Variants in NKAIN1 observed in about 807,000 individuals in gnomAD.
The protein encoded by NKAIN1 is sodium/potassium transporting ATPase interacting 1, also known as sodium/potassium-transporting ATPase subunit beta-1-interacting protein 1.
A neutral mutation model predicts 31.6 loss-of-function variants in NKAIN1; 13 were observed. That is an observed-to-expected ratio of 0.41 (90% confidence interval 0.27 to 0.65). The LOEUF is 0.65. Ranked by LOEUF, NKAIN1 falls within the 30% of genes least tolerant of loss-of-function variation. The pLI, the probability that NKAIN1 is intolerant of heterozygous loss-of-function variation, is 0.30. For synonymous variants in NKAIN1, 104 were observed against 109.0 expected, an observed-to-expected ratio of 0.95 and a Z score of 0.28; for missense variants, 193 against 262.2, an observed-to-expected ratio of 0.74 and a Z score of 1.82.
intron 1 of NKAIN1, among the ~76,000 whole-genome samples, chr1:31,194,344 T>C (rs1241062851): frequency 3.0e-5 from 2 of 67,754 alleles, no homozygotes; most frequent in Non-Finnish European, 6.9e-5. Flanking sequence ...GACCCAGCTC[T>C]TTCTTTTTCC....
chr1:31,186,880 C>G (rs1052192571), intron 2 of NKAIN1, among the ~76,000 whole-genome samples: 1 of 152,234 alleles, frequency 6.6e-6, no homozygotes, highest in African/African-American at 2.4e-5. Context: ...AGTTTTCCCA[C>G]ATCCCGAATG....
At chr1:31,238,745 T>C (rs150266409) in intron 1 of NKAIN1, among the ~76,000 whole-genome samples, 2 of 152,232 alleles carry the variant, frequency 1.3e-5, no homozygotes, top group East Asian at 3.9e-4. Context: ...TGATGACTGA[T>C]GGAACCCCCA....
chr1:31,196,776 A>T (rs1185904479), intron 1 of NKAIN1, among the ~76,000 whole-genome samples: 1 of 152,036 alleles, frequency 6.6e-6, no homozygotes, highest in Non-Finnish European at 1.5e-5. Context: ...TTCAGTCCTC[A>T]TCTTACCTGA....
intron 1 of NKAIN1, among the ~76,000 whole-genome samples, chr1:31,191,476 T>A (rs907171353): frequency 3.3e-5 from 5 of 151,740 alleles, no homozygotes; most frequent in Non-Finnish European, 7.4e-5. Flanking sequence ...CCAGCTCTGC[T>A]GTGTGACTTA....
chr1:31,192,945 G>A (rs1283329326), intron 1 of NKAIN1, among the ~76,000 whole-genome samples: 2 of 151,788 alleles, frequency 1.3e-5, no homozygotes, highest in African/African-American at 2.4e-5. Context: ...GCCAGAGGAT[G>A]GCTTGAGGCC....
At chr1:31,218,679 G>A (rs1055499175) in intron 1 of NKAIN1, among the ~76,000 whole-genome samples, 2 of 152,202 alleles carry the variant, frequency 1.3e-5, no homozygotes, top group Admixed American at 1.3e-4. Context: ...GGCCATAGCA[G>A]GCCTTGATAA....
chr1:31,230,166 C>T (rs1645634731), intron 1 of NKAIN1, among the ~76,000 whole-genome samples: 2 of 152,170 alleles, frequency 1.3e-5, no homozygotes, highest in African/African-American at 4.8e-5. Context: ...ACTCGGATTG[C>T]AGAACCTGCA....
Position 31,183,919 on chromosome 1 carries a change from G to T in NKAIN1, c.369C>A (p.Ser123=). The T allele has an allele frequency of 6.2e-7, 1 of 1,614,126 alleles. No individual in the cohort carries two copies. Residue 123 remains serine (S), a synonymous_variant, in exon 4 of 7, where the codon TCC becomes TCA. Coordinates refer to ENST00000373736, the MANE Select transcript of NKAIN1 (RefSeq NM_024522.3). ...CATGGTGGTCCTCCAGAGCCAGGCG[G>T]GAGTTCAGAACAGGTGTCACCAGGC... ...PGCLVTPVLN[S]RLALEDHHVI...
chr1:31,222,977 G>A (rs1009058356), intron 1 of NKAIN1, among the ~76,000 whole-genome samples: 5 of 152,188 alleles, frequency 3.3e-5, no homozygotes, highest in Middle Eastern at 3.2e-3. Context: ...ACCTCCCTGC[G>A]TCTTGTCCTC....
intron 1 of NKAIN1, among the ~76,000 whole-genome samples, chr1:31,209,266 T>A (rs894667168): frequency 6.6e-6 from 1 of 152,174 alleles, no homozygotes; most frequent in Non-Finnish European, 1.5e-5. Context: ...TCCCAGCTAC[T>A]TGGGAGGCTG....
intron 1 of NKAIN1, among the ~76,000 whole-genome samples, chr1:31,213,238 A>C (rs12033154): frequency 6.6e-6 from 1 of 151,720 alleles, no homozygotes; most frequent in Non-Finnish European, 1.5e-5. Context: ...TTTGCAATTC[A>C]CCAGTAAATA....
chr1:31,211,862 A>G (rs891867557), intron 1 of NKAIN1, among the ~76,000 whole-genome samples: 11 of 152,146 alleles, frequency 7.2e-5, no homozygotes, highest in African/African-American at 2.4e-4. Context: ...GAATCGCTTG[A>G]ACCCAGGAGG....
At chr1:31,235,267 C>T (rs1015603652) in intron 1 of NKAIN1, among the ~76,000 whole-genome samples, 1 of 151,666 alleles carries the variant, frequency 6.6e-6, no homozygotes, top group African/African-American at 2.4e-5. Context: ...CAAGGAAGAG[C>T]TGGGTTTGGA....
chr1:31,208,669 A>C (rs1043555982), intron 1 of NKAIN1, among the ~76,000 whole-genome samples: 1 of 151,942 alleles, frequency 6.6e-6, no homozygotes, highest in African/African-American at 2.4e-5. Flanking sequence ...GTAAGTGCAC[A>C]GTTTGTTAGG....
chr1:31,213,275 A>G (rs982343474), intron 1 of NKAIN1, among the ~76,000 whole-genome samples: 4 of 152,226 alleles, frequency 2.6e-5, no homozygotes, highest in Non-Finnish European at 1.5e-5. Context: ...AAAAATGGAA[A>G]AAGGATTTGC....
intron 1 of NKAIN1, among the ~76,000 whole-genome samples, chr1:31,232,469 A>AGAGAGAGT (rs1645661676): frequency 8.2e-6 from 1 of 122,024 alleles, no homozygotes; most frequent in Non-Finnish European, 1.7e-5. Flanking sequence ...AGAGAGAGAG[A>AGAGAGAGT]GAGTGGGGGA....
intron 1 of NKAIN1, among the ~76,000 whole-genome samples, chr1:31,202,247 A>G (rs1645385945): frequency 6.6e-6 from 1 of 152,044 alleles, no homozygotes; most frequent in Non-Finnish European, 1.5e-5. Context: ...GATCCAACCC[A>G]CTGCACCTCT....
intron 1 of NKAIN1, among the ~76,000 whole-genome samples, chr1:31,195,250 C>A (rs914031628): frequency 3.3e-5 from 5 of 151,230 alleles, no homozygotes; most frequent in African/African-American, 1.2e-4. Context: ...TTCCCAGTAG[C>A]TGCAATTACA....
intron 2 of NKAIN1, among the ~76,000 whole-genome samples, chr1:31,186,255 G>A (rs1259285928): frequency 2.6e-5 from 4 of 151,376 alleles, no homozygotes; most frequent in African/African-American, 4.9e-5. Flanking sequence ...CCAGCTACTC[G>A]GAAGGCTGAG....
Sources: allele counts gnomAD v4.1 joint callset (sites outside exome capture counted in the v4.1 genomes callset), GRCh38; gene constraint gnomAD v4.1.1; transcripts MANE v1.5; gene names NCBI Gene and HGNC (gene_info 2026-07-23, HGNC 2026-07-21).